Variants in RALGAPA1 observed in about 807,000 individuals in gnomAD.
RALGAPA1 encodes the protein Ral GTPase activating protein catalytic subunit alpha 1.
A neutral mutation model predicts 269.6 loss-of-function variants in RALGAPA1; 52 were observed. That is an observed-to-expected ratio of 0.19 (90% CI 0.15 to 0.24). The LOEUF (loss-of-function observed/expected upper bound fraction) is 0.24. Among genes scored for constraint, RALGAPA1 ranks in the 10% least tolerant of loss-of-function variants. RALGAPA1 has a pLI of 1.00. For synonymous variants in RALGAPA1, 817 were observed against 1,008.3 expected (o/e 0.81, Z 3.60); for missense variants, 1,917 against 3,013.9 (o/e 0.64, Z 8.52).
In RALGAPA1 at chr14:35,595,735, T is replaced by C; in HGVS notation, c.7108A>G (p.Thr2370Ala). 1 of 1,612,714 alleles carries C rather than the reference T, an allele frequency of 6.2e-7. No individual in the cohort carries two copies. Among genetic ancestry groups the C allele is most frequent in the Non-Finnish European group, 8.5e-7 (1 of 1,178,954 alleles). The change falls in exon 37 of 42, where the codon ACT (threonine) becomes GCT (alanine). Residue 2370 changes from threonine (T) to alanine (A), a missense_variant. Transcript: ENST00000680220. The stretch of plus-strand genomic sequence containing the variant: ...GCAAAATATGGAGTGGTCAATCCAG[T>C]GCTTTTGTTTTTTTGTAGTCCTCCC... ...FMGGLQKNKS[T>A]GLTTPYFATS...
At chr14:35,804,733 CA>C (rs2077231593) in intron 1 of RALGAPA1, among the ~76,000 whole-genome samples, 1 of 151,200 alleles carries the variant, frequency 6.6e-6, no homozygotes, top group Non-Finnish European at 1.5e-5. Flanking sequence ...CAGGAGCTTG[CA>C]ACCAGCCTGG....
chr14:35,620,051 C>G (rs549334385), intron 35 of RALGAPA1, among the ~76,000 whole-genome samples: 51 of 152,136 alleles, frequency 3.4e-4, no homozygotes, highest in Non-Finnish European at 4.1e-4. Flanking sequence ...ATATCAAAGC[C>G]TGGCAGACAC....
intron 39 of RALGAPA1, among the ~76,000 whole-genome samples, chr14:35,568,392 T>C (rs570437768): frequency 5.9e-5 from 9 of 152,182 alleles, no homozygotes; most frequent in Non-Finnish European, 1.3e-4. Context: ...AGAGAAGGGA[T>C]ATTCAACCTG....
Position 35,736,852 on chromosome 14 carries a change from A to G in RALGAPA1, c.1587+1661T>C, listed in dbSNP as rs142991912. 1.8e-4 allele frequency among the ~76,000 whole-genome samples: 27 copies of G among 152,258 alleles called. 1 individual carries two copies. In the East Asian group the frequency reaches 4.3e-3, roughly 24 times the overall value. On this transcript the variant is annotated intron_variant, in intron 12 of 41. Coordinates refer to ENST00000680220, the MANE Select transcript of RALGAPA1 (RefSeq NM_001346249.2). ...GGGGTTTAAGACCAGCCTGGCCAACATGGCAAAAACCCATCTCTACTAAAA... is the reference window on the plus strand; with the variant it reads ...GGGGTTTAAGACCAGCCTGGCCAACGTGGCAAAAACCCATCTCTACTAAAA...
Position 35,803,787 on chromosome 14 carries a change from C to A in RALGAPA1, c.106+4943G>T, listed in dbSNP as rs539590321. 5.3e-5 allele frequency among the ~76,000 whole-genome samples: 8 copies of A among 152,012 alleles called. No homozygotes were observed. In the South Asian group the frequency reaches 1.7e-3, roughly 32 times the overall value. On this transcript the variant is annotated intron_variant, in intron 1 of 41. Transcript: ENST00000680220. ...AGCTGGGATTACAGTCATGTGCTAT[C>A]ACACCTGGTTATTTTTAGTAGAGAT... is the stretch of plus-strand genomic sequence containing the variant.
chr14:35,713,704 A>G (rs991829277), intron 16 of RALGAPA1, among the ~76,000 whole-genome samples: 8 of 152,112 alleles, frequency 5.3e-5, no homozygotes, highest in Admixed American at 5.2e-4. Flanking sequence ...GAGCATATGG[A>G]CATGAATTTG....
chr14:35,620,197 T>C (rs973660004), intron 35 of RALGAPA1, among the ~76,000 whole-genome samples: 1 of 152,190 alleles, frequency 6.6e-6, no homozygotes, highest in Non-Finnish European at 1.5e-5. Context: ...GATGCAAGGA[T>C]GGTCCAACAT....
intron 37 of RALGAPA1, among the ~76,000 whole-genome samples, chr14:35,582,918 C>T (rs1387204126): frequency 6.6e-6 from 1 of 152,140 alleles, no homozygotes; most frequent in Non-Finnish European, 1.5e-5. Flanking sequence ...AATCCAGGGC[C>T]ACAGGCTCAG....
At chr14:35,664,866 T>C (rs2063807913) in intron 26 of RALGAPA1, 99 bp from the exon 27 acceptor site, 8 of 1,041,036 alleles carry the variant, frequency 7.7e-6, no homozygotes, top group African/African-American at 1.6e-5. Context: ...AGGGAAGTGA[T>C]ACATAAAACA....
At chr14:35,644,319 T>C (rs1233777216) in intron 31 of RALGAPA1, among the ~76,000 whole-genome samples, 1 of 152,154 alleles carries the variant, frequency 6.6e-6, no homozygotes, top group Non-Finnish European at 1.5e-5. Flanking sequence ...TAAAAGACGA[T>C]ATACATGCAT....
At chr14:35,635,280 G>A (rs1386136119) in intron 32 of RALGAPA1, among the ~76,000 whole-genome samples, 184 bp downstream of exon 32, 1 of 151,974 alleles carries the variant, frequency 6.6e-6, no homozygotes, top group East Asian at 1.9e-4. Flanking sequence ...TCAAAATTTT[G>A]CAATGAAACA....
Position 35,764,830 on chromosome 14 carries a change from A to C in RALGAPA1, c.326-2077T>G, listed in dbSNP as rs140193203. ...ATCCCAAAGTGCTGAGATTACAGGC[A>C]TAAGACACCATGCCTGGCCTTAAAT... On this transcript the variant is annotated intron_variant, in intron 4 of 41. Coordinates refer to ENST00000680220, the MANE Select transcript of RALGAPA1 (RefSeq NM_001346249.2). Among the ~76,000 whole-genome samples the C allele has an allele frequency of 5.3e-5, 8 of 152,286 alleles. No individual in the cohort carries two copies. The East Asian group carries it at 1.5e-3, about 29-fold the overall frequency.
intron 16 of RALGAPA1, among the ~76,000 whole-genome samples, chr14:35,719,488 A>T (rs1167111689): frequency 6.6e-6 from 1 of 152,184 alleles, no homozygotes; most frequent in Admixed American, 6.5e-5. Flanking sequence ...CATTAGTACA[A>T]CTAGAAAGTA....
In RALGAPA1 at chr14:35,562,356, G is replaced by T. The variant is rs575350894; in HGVS notation, c.7496+8261C>A. On this transcript the variant is annotated intron_variant, in intron 39 of 41. Coordinates refer to ENST00000680220, the MANE Select transcript of RALGAPA1 (RefSeq NM_001346249.2). ...CTCATGCTGCCTCCTCCTTGGAGGG[G>T]ACACCAAGATGTGTCCTCCCCAAGT... 1.2e-4 allele frequency among the ~76,000 whole-genome samples: 18 copies of T among 152,202 alleles called. No individual in the cohort carries two copies. In the East Asian group the frequency reaches 3.5e-3, roughly 29 times the overall value.
At chr14:35,706,442 T>C (rs2067813214) in intron 16 of RALGAPA1, among the ~76,000 whole-genome samples, 1 of 152,162 alleles carries the variant, frequency 6.6e-6, no homozygotes, top group Admixed American at 6.6e-5. Context: ...TGGACTCTAG[T>C]TGTGTGGGTC....
chr14:35,577,430 T>C (rs1463677138), intron 37 of RALGAPA1, among the ~76,000 whole-genome samples: 1 of 152,148 alleles, frequency 6.6e-6, no homozygotes, highest in Non-Finnish European at 1.5e-5. Flanking sequence ...TCTTCTGCTA[T>C]TATATATAAG....
intron 41 of RALGAPA1, among the ~76,000 whole-genome samples, 173 bp downstream of exon 41, chr14:35,548,335 G>A (rs2054643248): frequency 6.6e-6 from 1 of 152,042 alleles, no homozygotes; most frequent in African/African-American, 2.4e-5. Flanking sequence ...TGCAGACCTG[G>A]GTTAGTCAGT....
chr14:35,681,102 A>G (rs2065397554), intron 21 of RALGAPA1, among the ~76,000 whole-genome samples: 1 of 152,170 alleles, frequency 6.6e-6, no homozygotes, highest in South Asian at 2.1e-4. Context: ...ATGTTATAGG[A>G]AAATAGATGA....
intron 35 of RALGAPA1, 86 bp downstream of exon 35, chr14:35,625,275 A>G: frequency 2.2e-6 from 2 of 926,364 alleles, no homozygotes; most frequent in South Asian, 1.7e-5. Context: ...AGTATTATAT[A>G]CTATTTAAAA....
Sources: allele counts gnomAD v4.1 joint callset (sites outside exome capture counted in the v4.1 genomes callset), GRCh38; gene constraint gnomAD v4.1.1; transcripts MANE v1.5; gene names NCBI Gene and HGNC (gene_info 2026-07-23, HGNC 2026-07-21).